The following ITGA4 variants were observed in gnomAD, a reference collection of about 807,000 sequenced individuals.
ITGA4 encodes integrin alpha-4.
ITGA4 carries 63 observed loss-of-function variants against 133.6 expected under a neutral mutation model. That is an observed-to-expected ratio of 0.47 (90% CI 0.38 to 0.58). ITGA4 has a LOEUF of 0.58. Ranked by LOEUF, ITGA4 falls within the 20% of genes least tolerant of loss-of-function variation. ITGA4 has a pLI of 0.00. For missense variants in ITGA4, 1,076 were observed against 1,252.7 expected (o/e 0.86, Z 2.13); for synonymous variants, 483 against 438.0 (o/e 1.10, Z -1.28).
chr2:181,506,381 A>G (rs1574402262), intron 15 of ITGA4, among the ~76,000 whole-genome samples: 2 of 152,200 alleles, frequency 1.3e-5, no homozygotes, highest in East Asian at 3.9e-4. Flanking sequence ...TATAAGTATA[A>G]CCACCATAAT....
rs182663150 is a variant in ITGA4, at chr2:181,483,683, G to A, written c.1041+1032G>A. 1.9e-4 allele frequency among the ~76,000 whole-genome samples: 29 copies of A among 152,262 alleles called. No homozygotes were observed. In the East Asian group the frequency reaches 3.7e-3, roughly 19 times the overall value. On this transcript the variant is annotated intron_variant, in intron 9 of 27. Coordinates refer to ENST00000397033, the MANE Select transcript of ITGA4 (RefSeq NM_000885.6). ...CACTGTATTTAACCTACATTTAATA[G>A]TAAAAGCAAATTATCTACACAGTGA... is the stretch of plus-strand genomic sequence containing the variant.
chr2:181,499,176 G>T (rs918185372), intron 15 of ITGA4, among the ~76,000 whole-genome samples: 2 of 152,022 alleles, frequency 1.3e-5, no homozygotes, highest in Non-Finnish European at 2.9e-5. Flanking sequence ...TTTTTCATAC[G>T]ACTCCAGCGA....
At chr2:181,509,934 ATAGATT>A (rs774660052) in intron 16 of ITGA4, 127 bp downstream of exon 16, 18 of 638,666 alleles carry the variant, frequency 2.8e-5, no homozygotes, top group Non-Finnish European at 4.5e-5. Flanking sequence ...AAAAACAAAA[ATAGATT>A]TATTCATTTC....
Position 181,495,474 on chromosome 2 carries a change from G to A in ITGA4, c.1385+58G>A. On this transcript the variant is annotated intron_variant, in intron 13 of 27. Transcript: ENST00000397033. This position sits in a 1 kb window ranked among gnomAD's most constrained non-coding sequence, Gnocchi z 4.3. ...ATTTGGTTTAATTGTAAAATGATGG[G>A]AGGTGGTGTTTAAAATCAGCAGTGG... 1 of 1,259,090 alleles carries A rather than the reference G, an allele frequency of 7.9e-7. No homozygotes were observed. The highest frequency in any genetic ancestry group is 1.2e-6 in the Non-Finnish European group (1 of 857,576). The allele number at this position is 1,259,090 out of a possible 1,614,324, so 78.0% of individuals were successfully genotyped here. A position where few individuals can be genotyped will look rare whatever the true frequency, so the allele number is the denominator to read the frequency against.
At chr2:181,463,595 G>T (rs1365869396) in intron 2 of ITGA4, among the ~76,000 whole-genome samples, 1 of 152,112 alleles carries the variant, frequency 6.6e-6, no homozygotes, top group Non-Finnish European at 1.5e-5. Context: ...TTTCTAATTT[G>T]GGCTGTGACA....
chr2:181,529,604 T>C lies in ITGA4; in HGVS notation c.2494T>C (p.Phe832Leu), dbSNP rs372344312. Residue 832 changes from phenylalanine to leucine, a missense_variant, in exon 23 of 28, where the codon TTT becomes CTT. This residue lies in a region of ITGA4 where 365 missense variants were observed against 421.4 expected (regional missense o/e 0.87). Coordinates refer to ENST00000397033, the MANE Select transcript of ITGA4 (RefSeq NM_000885.6). ...VSVEIMVPNS[F>L]SPQTDKLFNI... ...TGTGGAAATAATGGTACCAAATTCT[T>C]TTAGCCCCCAAACTGATAAGCTGTT... 1 of 1,609,012 alleles carries C rather than the reference T, an allele frequency of 6.2e-7. No homozygotes were observed. Among genetic ancestry groups the C allele is most frequent in the Non-Finnish European group, 8.5e-7 (1 of 1,175,776 alleles).
intron 2 of ITGA4, among the ~76,000 whole-genome samples, chr2:181,468,224 A>T (rs1685466826): frequency 6.6e-6 from 1 of 152,166 alleles, no homozygotes; most frequent in African/African-American, 2.4e-5. Flanking sequence ...AAAGATCTTC[A>T]AACTCAGAGA....
intron 21 of ITGA4, among the ~76,000 whole-genome samples, chr2:181,527,020 G>C (rs144075452): frequency 1.3e-5 from 2 of 151,158 alleles, no homozygotes; most frequent in African/African-American, 4.9e-5. Flanking sequence ...ATTTTTAGTA[G>C]AGATTGGGTT....
intron 22 of ITGA4, among the ~76,000 whole-genome samples, chr2:181,528,425 A>G (rs1367900123): frequency 6.6e-6 from 1 of 152,234 alleles, no homozygotes; most frequent in Non-Finnish European, 1.5e-5. Context: ...TTAATAGTTA[A>G]AAAGTATTTT....
intron 27 of ITGA4, 24 bp from the exon 28 acceptor site, chr2:181,535,408 G>C: frequency 4.5e-6 from 7 of 1,555,338 alleles, no homozygotes; most frequent in Non-Finnish European, 4.4e-6. Context: ...CTATACACTA[G>C]TGATTATGTT....
intron 19 of ITGA4, 103 bp from the exon 20 acceptor site, chr2:181,524,068 A>C: frequency 1.4e-6 from 1 of 725,032 alleles, no homozygotes; most frequent in South Asian, 1.8e-5. Context: ...CAATGGTTCA[A>C]TTCTACATTC....
intron 17 of ITGA4, among the ~76,000 whole-genome samples, chr2:181,512,283 T>C (rs751736816): frequency 6.6e-6 from 1 of 152,044 alleles, no homozygotes; most frequent in Non-Finnish European, 1.5e-5. Flanking sequence ...GGGAAGAAGA[T>C]GCATCAGTGA....
chr2:181,466,744 A>C (rs1444288635), intron 2 of ITGA4, among the ~76,000 whole-genome samples: 1 of 152,158 alleles, frequency 6.6e-6, no homozygotes, highest in Non-Finnish European at 1.5e-5. Flanking sequence ...AAGTATTAGG[A>C]CTTAAAAGGA....
intron 9 of ITGA4, among the ~76,000 whole-genome samples, chr2:181,483,961 C>T (rs1375127125): frequency 6.6e-6 from 1 of 152,198 alleles, no homozygotes; most frequent in African/African-American, 2.4e-5. Context: ...TCCCTCATGC[C>T]TACCCTGAGG....
rs1337737580 is a variant in ITGA4 at position 181,538,072 on chromosome 2, G to A, written c.*2545G>A. 4 of 734,798 alleles carry A rather than the reference G, an allele frequency of 5.4e-6. No individual in the cohort carries two copies. The South Asian group carries it at 5.9e-5, about 11-fold the overall frequency. 45.5% of individuals were successfully genotyped at this position (734,798 alleles called of 1,614,324 possible). Reference sequence around the variant, plus strand: ...CCATTCCCCCATCCACGGAAAAATTGTCTTCCATGAAACTGGTCCCAAAAA... The same window carrying A: ...CCATTCCCCCATCCACGGAAAAATTATCTTCCATGAAACTGGTCCCAAAAA... On this transcript the variant is annotated 3_prime_UTR_variant, in exon 28 of 28. Coordinates refer to ENST00000397033, the MANE Select transcript of ITGA4 (RefSeq NM_000885.6).
Position 181,457,535 on chromosome 2 carries a change from T to C in ITGA4, c.-120T>C, listed in dbSNP as rs1685151893. On this transcript the variant is annotated 5_prime_UTR_variant, in exon 1 of 28. Transcript: ENST00000397033. ...TCCCTCTCTCCTTCCTTTAGCCCGC[T>C]GGCGCCGGACACGCTGCGCCTCATC... 1 of 933,358 alleles carries C rather than the reference T, an allele frequency of 1.1e-6. No homozygotes were observed. The highest frequency in any genetic ancestry group is 1.6e-6 in the Non-Finnish European group (1 of 632,872). 57.8% of individuals were successfully genotyped at this position (933,358 alleles called of 1,614,324 possible).
At chr2:181,504,232 A>G (rs1208433512) in intron 15 of ITGA4, among the ~76,000 whole-genome samples, 1 of 152,018 alleles carries the variant, frequency 6.6e-6, no homozygotes, top group Admixed American at 6.6e-5. Context: ...TGTTTTATTA[A>G]AATCATGACA....
chr2:181,529,761 C>T (rs932522712), intron 23 of ITGA4, 113 bp downstream of exon 23: 4 of 616,134 alleles, frequency 6.5e-6, no homozygotes, highest in Admixed American at 5.4e-5. Flanking sequence ...TGTTAACTTA[C>T]TTCAGTCACA....
intron 2 of ITGA4, among the ~76,000 whole-genome samples, chr2:181,460,566 AGTGTGTGTGTGTGTGTGTGTGTGTGT>A (rs61016862): frequency 6.8e-6 from 1 of 147,958 alleles, no homozygotes; most frequent in Non-Finnish European, 1.5e-5. Flanking sequence ...TCTGTAGAAG[AGTGTGTGTGTGTGTGTGTGTGTGTGT>A]GTGTGTGTGT....
Sources: gnomAD v4.1 joint callset for allele counts (sites outside exome capture counted in the v4.1 genomes callset) on GRCh38, gnomAD v4.1.1 for gene constraint, gnomAD v4.1.1 regional missense constraint, Gnocchi (gnomAD v3.1) non-coding constraint, MANE v1.5 for transcripts, NCBI Gene and HGNC (gene_info 2026-07-23, HGNC 2026-07-21) for gene names.